SAE1: variants seen among roughly 807,000 people sequenced by gnomAD.
SAE1 encodes SUMO1 activating enzyme subunit 1.
Under a neutral mutation model 40.6 loss-of-function variants are expected in SAE1, and 11 were observed. That is an observed-to-expected ratio of 0.27 (90% CI 0.17 to 0.45). SAE1 has a LOEUF of 0.45. SAE1 is among the 20% of genes least tolerant of loss of function. SAE1 has a pLI of 1.00. For synonymous variants in SAE1, 155 were observed against 154.3 expected, an observed-to-expected ratio of 1.00 and a Z score of -0.03; for missense variants, 373 against 427.3, an observed-to-expected ratio of 0.87 and a Z score of 1.12.
chr19:47,158,226 A>T (rs2058335758), intron 5 of SAE1, among the ~76,000 whole-genome samples: 1 of 152,110 alleles, frequency 6.6e-6, no homozygotes, highest in African/African-American at 2.4e-5. Flanking sequence ...TGTGCTCCTA[A>T]ATTAGTAACG....
rs35991953 is a variant in SAE1 at position 47,137,703 on chromosome 19, T to TTGTGTGTGTGTGTG, written c.99-5779_99-5766dup. ...GGCGTATGCCGTAACACTCAGCTGA[T>TTGTGTGTGTGTGTG]TGTGTGTGTGTGTGTGTGTGTGTGT... On this transcript the variant is annotated intron_variant, in intron 1 of 8. Transcript: ENST00000270225. Among the ~76,000 whole-genome samples the TTGTGTGTGTGTGTG allele has an allele frequency of 3.0e-3, 406 of 135,046 alleles. 2 individuals are homozygous for TTGTGTGTGTGTGTG. Among genetic ancestry groups the TTGTGTGTGTGTGTG allele is most frequent in the African/African-American group, 0.011 (387 of 36,654 alleles). 88.6% of individuals were successfully genotyped at this position (135,046 alleles called of 152,430 possible). A position where few individuals can be genotyped will look rare whatever the true frequency, so the allele number is the denominator to read the frequency against.
intron 5 of SAE1, among the ~76,000 whole-genome samples, chr19:47,157,509 A>G (rs1224357108): frequency 6.6e-6 from 1 of 152,156 alleles, no homozygotes; most frequent in Non-Finnish European, 1.5e-5. Context: ...TCAAATGGAG[A>G]GAGTGCCTAG....
intron 1 of SAE1, among the ~76,000 whole-genome samples, 170 bp from the exon 2 acceptor site, chr19:47,143,324 C>T (rs765790794): frequency 3.9e-5 from 6 of 152,094 alleles, no homozygotes; most frequent in Admixed American, 2.6e-4. Flanking sequence ...AGGCTGGTCT[C>T]GAACTCCTGA....
At chr19:47,136,279 C>T (rs2058179327) in intron 1 of SAE1, among the ~76,000 whole-genome samples, 1 of 151,896 alleles carries the variant, frequency 6.6e-6, no homozygotes, top group Non-Finnish European at 1.5e-5. Flanking sequence ...GCTGAGATTA[C>T]AGGCACCTGC....
chr19:47,190,945 A>G (rs1004886575), intron 6 of SAE1, among the ~76,000 whole-genome samples: 2 of 152,190 alleles, frequency 1.3e-5, no homozygotes, highest in Non-Finnish European at 2.9e-5. Flanking sequence ...GACCACTTGG[A>G]ATCCTAGGTG....
At position 47,150,199 on chromosome 19, in the gene SAE1, T is replaced by C. The variant is rs781037462; in HGVS notation, c.211-3T>C. The C allele has an allele frequency of 6.4e-7, 1 of 1,569,908 alleles. No individual in the cohort carries two copies. Among genetic ancestry groups the C allele is most frequent in the South Asian group, 1.2e-5 (1 of 84,270 alleles). On this transcript the variant is annotated splice_region_variant and splice_polypyrimidine_tract_variant and intron_variant, in intron 2 of 8. Coordinates refer to ENST00000270225, the MANE Select transcript of SAE1 (RefSeq NM_005500.3). ...CTTAAAAAAATATGTGTATTATTCC[T>C]AGGTAACTCCAGAAGATCCCGGAGC...
intron 3 of SAE1, among the ~76,000 whole-genome samples, chr19:47,150,617 T>G (rs1223994061): frequency 6.6e-6 from 1 of 152,214 alleles, no homozygotes; most frequent in East Asian, 1.9e-4. Context: ...GCTGGCTTCT[T>G]CTCTGGGCAT....
At chr19:47,195,095 C>A (rs531800589) in intron 6 of SAE1, among the ~76,000 whole-genome samples, 3 of 149,794 alleles carry the variant, frequency 2.0e-5, no homozygotes, top group African/African-American at 7.4e-5. Context: ...CACTCTGTTG[C>A]CCAGGCTGGA....
At chr19:47,190,829 T>C (rs565652185) in intron 6 of SAE1, among the ~76,000 whole-genome samples, 78 of 152,318 alleles carry the variant, frequency 5.1e-4, no homozygotes, top group Non-Finnish European at 7.8e-4. Flanking sequence ...TCTCACCCAC[T>C]GAACTTACAG....
intron 1 of SAE1, among the ~76,000 whole-genome samples, chr19:47,139,361 T>G (rs968526031): frequency 1.2e-4 from 18 of 151,970 alleles, no homozygotes; most frequent in African/African-American, 4.3e-4. Context: ...AATTTTTTTT[T>G]GTTTTGTACA....
At chr19:47,141,147 G>A (rs1003953025) in intron 1 of SAE1, among the ~76,000 whole-genome samples, 4 of 152,162 alleles carry the variant, frequency 2.6e-5, no homozygotes, top group East Asian at 1.9e-4. Context: ...GACTACAGGC[G>A]CCTGCCACCA....
chr19:47,150,183 AT>A lies in SAE1; in HGVS notation c.211-18del, dbSNP rs777780546. ...CCCTAAAAATACAAGACTTAAAAAA[AT>A]ATGTGTATTATTCCTAGGTAACTCC... is the stretch of plus-strand genomic sequence containing the variant. On this transcript the variant is annotated intron_variant, in intron 2 of 8. Transcript: ENST00000270225. 4 of 1,494,746 alleles carry A rather than the reference AT, an allele frequency of 2.7e-6. No homozygotes were observed. The highest frequency in any genetic ancestry group is 4.8e-5 in the East Asian group (2 of 41,710). 92.6% of individuals were successfully genotyped at this position (1,494,746 alleles called of 1,614,324 possible). A position where few individuals can be genotyped will look rare whatever the true frequency, so the allele number is the denominator to read the frequency against.
intron 7 of SAE1, among the ~76,000 whole-genome samples, chr19:47,198,050 A>G (rs2058627154): frequency 6.6e-6 from 1 of 151,948 alleles, no homozygotes; most frequent in South Asian, 2.1e-4. Context: ...TTTTGCTCTC[A>G]TAAACAGGCT....
intron 4 of SAE1, 65 bp downstream of exon 4, chr19:47,153,105 T>A: frequency 1.5e-6 from 2 of 1,365,822 alleles, no homozygotes; most frequent in Admixed American, 2.2e-5. Flanking sequence ...TTTTTTTAAA[T>A]TATGTATTTA....
intron 7 of SAE1, among the ~76,000 whole-genome samples, chr19:47,198,444 T>C (rs1600214306): frequency 2.6e-5 from 4 of 152,262 alleles, no homozygotes; most frequent in Admixed American, 2.6e-4. Flanking sequence ...TCTGGGATCA[T>C]GTACACACCC....
intron 1 of SAE1, among the ~76,000 whole-genome samples, chr19:47,140,799 A>G (rs2058217017): frequency 1.3e-5 from 2 of 152,100 alleles, no homozygotes; most frequent in East Asian, 1.9e-4. Flanking sequence ...CTGTTTCAAT[A>G]AAACAAAACG....
intron 6 of SAE1, among the ~76,000 whole-genome samples, chr19:47,171,976 G>T (rs1309481153): frequency 2.0e-5 from 3 of 152,164 alleles, no homozygotes; most frequent in Non-Finnish European, 2.9e-5. Flanking sequence ...CTGGAGTGCA[G>T]TGGTGCAATC....
At chr19:47,159,550 CTTT>C (rs769129980) in intron 5 of SAE1, among the ~76,000 whole-genome samples, 1 of 142,830 alleles carries the variant, frequency 7.0e-6, no homozygotes. Flanking sequence ...TATTTTCTTC[CTTT>C]TTTTTTTTTT....
chr19:47,136,419 T>C (rs1236578443), intron 1 of SAE1, among the ~76,000 whole-genome samples: 1 of 151,920 alleles, frequency 6.6e-6, no homozygotes, highest in Non-Finnish European at 1.5e-5. Flanking sequence ...ATTACAGGCG[T>C]GAGCCACCAC....
Sources: allele counts gnomAD v4.1 joint callset (sites outside exome capture counted in the v4.1 genomes callset), GRCh38; gene constraint gnomAD v4.1.1; transcripts MANE v1.5; gene names NCBI Gene and HGNC (gene_info 2026-07-23, HGNC 2026-07-21).